The following CAMTA1 variants were observed in gnomAD, a reference collection of about 807,000 sequenced individuals.
The protein encoded by CAMTA1 is calmodulin binding transcription activator 1.
A neutral mutation model predicts 170.9 loss-of-function variants in CAMTA1; 27 were observed. The observed-to-expected ratio is 0.16, with a 90% confidence interval of 0.12 to 0.22. The LOEUF (loss-of-function observed/expected upper bound fraction) is 0.22. CAMTA1 is among the 10% of genes least tolerant of loss of function. CAMTA1 has a pLI of 1.00. For missense variants in CAMTA1, 1,619 were observed against 2,217.2 expected (o/e 0.73, Z 5.42); for synonymous variants, 833 against 891.5 (o/e 0.93, Z 1.17).
chr1:7,439,516 C>T (rs933090721), intron 5 of CAMTA1, among the ~76,000 whole-genome samples: 2 of 152,190 alleles, frequency 1.3e-5, no homozygotes, highest in African/African-American at 4.8e-5. Context: ...CTGCCTGAGT[C>T]TGTGTGGGAC....
At chr1:6,885,951 T>C (rs1323989745) in intron 3 of CAMTA1, among the ~76,000 whole-genome samples, 1 of 152,208 alleles carries the variant, frequency 6.6e-6, no homozygotes, top group South Asian at 2.1e-4. Context: ...GCCTGTCCTT[T>C]GGTTCACTCT....
chr1:7,170,867 G>A (rs948373537), intron 4 of CAMTA1, among the ~76,000 whole-genome samples: 2 of 152,036 alleles, frequency 1.3e-5, no homozygotes, highest in African/African-American at 4.8e-5. Context: ...TGATGCTAGC[G>A]GTTTTGAAAT....
At chr1:7,229,506 G>A (rs1387317901) in intron 4 of CAMTA1, among the ~76,000 whole-genome samples, 3 of 83,188 alleles carry the variant, frequency 3.6e-5, no homozygotes, top group African/African-American at 4.8e-5. Context: ...CAGAGGAAGC[G>A]GAGAGGAGGT....
rs2096178413 is a variant in CAMTA1, at chr1:7,680,367, G to A, written c.2914+2634G>A. Among the ~76,000 whole-genome samples, 1 of 152,100 alleles carries A rather than the reference G, an allele frequency of 6.6e-6. No individual in the cohort carries two copies. The highest frequency in any genetic ancestry group is 1.5e-5 in the Non-Finnish European group (1 of 68,004). ...AGACGGGTTCGCCGCGGAGAGGGGA[G>A]GAGGGCTGGGGAAGGGGTGGGCGCC... is the stretch of plus-strand genomic sequence containing the variant. On this transcript the variant is annotated intron_variant, in intron 11 of 22. Coordinates refer to ENST00000303635, the MANE Select transcript of CAMTA1 (RefSeq NM_015215.4). This position sits in a 1 kb window ranked among gnomAD's most constrained non-coding sequence, Gnocchi z 4.4.
At chr1:7,019,351 C>T (rs1701035370) in intron 3 of CAMTA1, among the ~76,000 whole-genome samples, 1 of 152,300 alleles carries the variant, frequency 6.6e-6, no homozygotes, top group East Asian at 1.9e-4. Flanking sequence ...TCGTTGACTA[C>T]CAAGACCTTC....
chr1:7,368,560 C>T (rs535825754), intron 5 of CAMTA1, among the ~76,000 whole-genome samples: 23 of 152,272 alleles, frequency 1.5e-4, no homozygotes, highest in African/African-American at 5.5e-4. Context: ...GACCCCTTCC[C>T]AGGCCCCACC....
chr1:7,253,077 A>G (rs951172310), intron 5 of CAMTA1, among the ~76,000 whole-genome samples: 1 of 152,134 alleles, frequency 6.6e-6, no homozygotes, highest in Non-Finnish European at 1.5e-5. Flanking sequence ...AGGGATGACA[A>G]AGGTTGGCAG....
intron 2 of CAMTA1, 31 bp downstream of exon 2, chr1:6,820,281 G>A (rs1048630188): frequency 6.2e-7 from 1 of 1,613,186 alleles, no homozygotes; most frequent in African/African-American, 1.3e-5. Flanking sequence ...TGACTTACAG[G>A]AAGGGGTGGG....
intron 4 of CAMTA1, among the ~76,000 whole-genome samples, chr1:7,210,896 A>G (rs1484367744): frequency 6.6e-6 from 1 of 152,210 alleles, no homozygotes; most frequent in Non-Finnish European, 1.5e-5. Context: ...TTTGGTAATT[A>G]TATTGTCACA....
intron 3 of CAMTA1, among the ~76,000 whole-genome samples, chr1:7,066,079 C>T (rs1708920063): frequency 1.3e-5 from 2 of 152,326 alleles, no homozygotes; most frequent in South Asian, 2.1e-4. Flanking sequence ...AGCTTGACCT[C>T]ATACCTGTTT....
In CAMTA1 at chr1:7,063,347, G is replaced by A. The variant is rs1217205398; in HGVS notation, c.235-27957G>A. 6.6e-6 allele frequency among the ~76,000 whole-genome samples: 1 copy of A among 152,226 alleles called. No individual in the cohort carries two copies. Among genetic ancestry groups the A allele is most frequent in the East Asian group, 1.9e-4 (1 of 5,196 alleles). On this transcript the variant is annotated intron_variant, in intron 3 of 22. Transcript: ENST00000303635. This position sits in a 1 kb window ranked among gnomAD's most constrained non-coding sequence, Gnocchi z 4.3. ...GCTGAGGCGCAGCTTCCCAGAGGGA[G>A]GTGTCATCTGCAGCGCTTTGCTTAC... is the stretch of plus-strand genomic sequence containing the variant.
chr1:7,189,390 C>G (rs930091778), intron 4 of CAMTA1, among the ~76,000 whole-genome samples: 1 of 152,134 alleles, frequency 6.6e-6, no homozygotes, highest in Non-Finnish European at 1.5e-5. Flanking sequence ...AAAAACTACA[C>G]GTCTGAATAT....
intron 5 of CAMTA1, among the ~76,000 whole-genome samples, chr1:7,433,561 G>A (rs575381500): frequency 2.6e-3 from 393 of 152,270 alleles, no homozygotes; most frequent in African/African-American, 8.6e-3. Context: ...CCTCACCAAC[G>A]GAGAAAAAAG....
rs539654542 is a variant in CAMTA1 at position 7,160,907 on chromosome 1, G to C, written c.302+69536G>C. Among the ~76,000 whole-genome samples, 32 of 152,248 alleles carry C rather than the reference G, an allele frequency of 2.1e-4. No individual in the cohort carries two copies. The South Asian group carries it at 4.6e-3, about 22-fold the overall frequency. ...CTGCTCCAATCAGTCAGTTGGTCCA[G>C]TCATTCACCACTTGTGTTGACTGTA... On this transcript the variant is annotated intron_variant, in intron 4 of 22. Coordinates refer to ENST00000303635, the MANE Select transcript of CAMTA1 (RefSeq NM_015215.4).
intron 3 of CAMTA1, among the ~76,000 whole-genome samples, chr1:6,948,672 C>T (rs1052064034): frequency 6.6e-6 from 1 of 152,078 alleles, no homozygotes; most frequent in African/African-American, 2.4e-5. Context: ...TGCTGTATGG[C>T]GTATGGCTTA....
Position 7,661,743 on chromosome 1 carries a change from A to T in CAMTA1, c.682A>T (p.Thr228Ser), listed in dbSNP as rs762627582. ...CTTCACAGTCCATGGCATCAAGTGG[A>T]CCTGCAGCAATGGGAACAGCAGCTC... ...LKPMFHGIKW[T>S]CSNGNSSSGF... is the part of the protein sequence containing the mutation. Residue 228 changes from threonine (T) to serine (S), a missense_variant, in exon 8 of 23, where the codon ACC (threonine) becomes TCC (serine). This residue lies in a region of CAMTA1 where 731 missense variants were observed against 907.6 expected (regional missense o/e 0.81). Coordinates refer to ENST00000303635, the MANE Select transcript of CAMTA1 (RefSeq NM_015215.4). The T allele has an allele frequency of 6.2e-7, 1 of 1,611,682 alleles. No homozygotes were observed. The highest frequency in any genetic ancestry group is 8.5e-7 in the Non-Finnish European group (1 of 1,179,622).
intron 3 of CAMTA1, among the ~76,000 whole-genome samples, chr1:6,893,842 G>A (rs1312212308): frequency 6.6e-6 from 1 of 152,186 alleles, no homozygotes; most frequent in East Asian, 1.9e-4. Flanking sequence ...TAAGATTTTG[G>A]TTGTATAATT....
At position 7,628,016 on chromosome 1, in the gene CAMTA1, T is replaced by C. The variant is rs150872050; in HGVS notation, c.511-12384T>C. Among the ~76,000 whole-genome samples, 499 of 152,266 alleles carry C rather than the reference T, an allele frequency of 3.3e-3. 4 individuals are homozygous for C. Among genetic ancestry groups the C allele is most frequent in the African/African-American group, 0.011 (448 of 41,562 alleles). ...TTTAGGAACTAAGGCTCATGGGCGATGCAACAAAAAACTCGACTTGAACTG... is the reference window on the plus strand; with the variant it reads ...TTTAGGAACTAAGGCTCATGGGCGACGCAACAAAAAACTCGACTTGAACTG... On this transcript the variant is annotated intron_variant, in intron 6 of 22. Coordinates refer to ENST00000303635, the MANE Select transcript of CAMTA1 (RefSeq NM_015215.4).
intron 6 of CAMTA1, among the ~76,000 whole-genome samples, chr1:7,567,683 G>A (rs2095059634): frequency 6.6e-6 from 1 of 152,314 alleles, no homozygotes; most frequent in South Asian, 2.1e-4. Context: ...CTCAGGCCTG[G>A]GCCACAGAGA....
Sources: allele counts gnomAD v4.1 joint callset (sites outside exome capture counted in the v4.1 genomes callset), GRCh38; gene constraint gnomAD v4.1.1; regional missense constraint gnomAD v4.1.1; non-coding constraint Gnocchi (gnomAD v3.1); transcripts MANE v1.5; gene names NCBI Gene and HGNC (gene_info 2026-07-23, HGNC 2026-07-21).